Variants in MIER3 observed in about 807,000 individuals in gnomAD.
MIER3 encodes the protein MIER family member 3.
Under a neutral mutation model 63.2 loss-of-function variants are expected in MIER3, and 9 were observed. That is an observed-to-expected ratio of 0.14 (90% CI 0.09 to 0.25). The LOEUF (loss-of-function observed/expected upper bound fraction) is 0.25, where lower values mean the gene tolerates loss of function less well. Ranked by LOEUF, MIER3 falls within the 10% of genes least tolerant of loss-of-function variation. MIER3 has a pLI of 1.00. For synonymous variants in MIER3, 205 were observed against 224.9 expected (o/e 0.91, Z 0.79); for missense variants, 512 against 666.2 (o/e 0.77, Z 2.55).
chr5:56,947,016 G>A lies in MIER3; in HGVS notation c.90C>T (p.Val30=). The part of the protein sequence containing the change: ...HDFDPTAEML[V]HDYDDERTLE... The stretch of plus-strand genomic sequence containing the variant: ...GAGTTCTTTCATCATCATAGTCATG[G>A]ACCAACATCTCAGCAGTGGGGTCAA... Residue 30 remains valine (V), a synonymous_variant, in exon 3 of 13, where the codon GTC becomes GTT. Coordinates refer to ENST00000381199, the MANE Select transcript of MIER3 (RefSeq NM_001297599.2). 1 of 1,610,030 alleles carries A rather than the reference G, an allele frequency of 6.2e-7. No individual in the cohort carries two copies. Among genetic ancestry groups the A allele is most frequent in the Non-Finnish European group, 8.5e-7 (1 of 1,178,682 alleles).
chr5:56,951,555 A>C (rs1751031607), intron 1 of MIER3, among the ~76,000 whole-genome samples: 1 of 151,964 alleles, frequency 6.6e-6, no homozygotes. Flanking sequence ...GTGGCCCCGC[A>C]TCCCGCTCTT....
intron 3 of MIER3, among the ~76,000 whole-genome samples, chr5:56,945,062 T>C (rs1378616903): frequency 1.3e-5 from 2 of 152,162 alleles, no homozygotes; most frequent in East Asian, 3.8e-4. Flanking sequence ...GTAGAAAAAG[T>C]GATATTTTAC....
intron 8 of MIER3, among the ~76,000 whole-genome samples, chr5:56,931,432 C>CTAAT (rs1750262673): frequency 1.3e-5 from 2 of 152,140 alleles, no homozygotes; most frequent in African/African-American, 4.8e-5. Flanking sequence ...CATCTCTGAG[C>CTAAT]TAATTACCCT....
At chr5:56,928,711 A>T in intron 10 of MIER3, 56 bp downstream of exon 10, 1 of 1,213,810 alleles carries the variant, frequency 8.2e-7, no homozygotes, top group Non-Finnish European at 1.2e-6. Context: ...CTTATAAATT[A>T]GTTGCTTACA....
intron 6 of MIER3, 31 bp from the exon 7 acceptor site, chr5:56,935,531 T>G (rs1217872961): frequency 6.4e-7 from 1 of 1,550,776 alleles, no homozygotes; most frequent in African/African-American, 1.4e-5. Flanking sequence ...AAAAATAACT[T>G]ATTAAAAAAA....
At position 56,937,701 on chromosome 5, in the gene MIER3, G is replaced by A. The variant is rs1322848011; in HGVS notation, c.316-3C>T. 2 of 1,603,666 alleles carry A rather than the reference G, an allele frequency of 1.2e-6. No homozygotes were observed. Among genetic ancestry groups the A allele is most frequent in the South Asian group, 1.1e-5 (1 of 89,082 alleles). On this transcript the variant is annotated splice_polypyrimidine_tract_variant and splice_region_variant and intron_variant, in intron 4 of 12. Coordinates refer to ENST00000381199, the MANE Select transcript of MIER3 (RefSeq NM_001297599.2). ...AACAGGTCTTTTGCTATTTCCTCCT[G>A]GAAGAATAAGAAGGCAGTGCTACAG... is the stretch of plus-strand genomic sequence containing the variant.
chr5:56,930,550 C>A, intron 9 of MIER3, 114 bp downstream of exon 9: 2 of 848,544 alleles, frequency 2.4e-6, no homozygotes, highest in South Asian at 1.4e-5. Context: ...GGAGCTGAAC[C>A]AGATCTTACA....
At chr5:56,930,869 G>A (rs1750241254) in intron 8 of MIER3, 124 bp from the exon 9 acceptor site, 2 of 742,798 alleles carry the variant, frequency 2.7e-6, no homozygotes, top group Non-Finnish European at 2.3e-6. Context: ...CTAATTTCAG[G>A]GCATTTGAAG....
intron 1 of MIER3, 68 bp downstream of exon 1, chr5:56,952,026 C>A: frequency 1.6e-6 from 2 of 1,229,310 alleles, no homozygotes; most frequent in East Asian, 4.0e-5. Flanking sequence ...CAGGCTGGCT[C>A]GGGGGTCGCG....
chr5:56,923,379 T>G lies in MIER3; in HGVS notation c.1402A>C (p.Met468Leu), dbSNP rs761210538. ...TCTGACTCTTCACTGCACATGTTCA[T>G]AGGGTTTAGCTCCGAGTGATAAAAT... is the stretch of plus-strand genomic sequence containing the variant. ...TGFYHSELNP[M>L]NMCSEESERP... Residue 468 changes from methionine (M) to leucine (L), a missense_variant, in exon 13 of 13, where the codon ATG (methionine) becomes CTG (leucine). This residue lies in a region of MIER3 where 218 missense variants were observed against 251.2 expected (regional missense o/e 0.87). Coordinates refer to ENST00000381199, the MANE Select transcript of MIER3 (RefSeq NM_001297599.2). 4.3e-6 allele frequency: 7 copies of G among 1,614,184 alleles called. No homozygotes were observed. The highest frequency in any genetic ancestry group is 5.9e-6 in the Non-Finnish European group (7 of 1,180,026).
intron 10 of MIER3, chr5:56,925,558 C>A: frequency 4.7e-6 from 1 of 214,816 alleles, no homozygotes; most frequent in Non-Finnish European, 9.5e-6. Context: ...AAAATATATG[C>A]AAAATCTGTA....
At chr5:56,944,237 C>T (rs1212808440) in intron 3 of MIER3, among the ~76,000 whole-genome samples, 7 of 151,878 alleles carry the variant, frequency 4.6e-5, no homozygotes, top group Non-Finnish European at 8.8e-5. Context: ...TTTGGGAGGC[C>T]GAGGAGGGCA....
At chr5:56,938,659 T>C (rs1750536547) in intron 4 of MIER3, among the ~76,000 whole-genome samples, 1 of 152,140 alleles carries the variant, frequency 6.6e-6, no homozygotes, top group South Asian at 2.1e-4. Flanking sequence ...ATGAAAACAT[T>C]ATGGGAGAAT....
Position 56,923,133 on chromosome 5 carries a change from C to CA in MIER3, c.1647dup (p.Glu550Ter), listed in dbSNP as rs1749753511. On this transcript the variant is annotated frameshift_variant, in exon 13 of 13. Transcript: ENST00000381199. LOFTEE classifies it high-confidence loss of function. ...TTCCGGGATCCTCACTCAGGTCACT[C>CA]AGAGTGTAGGGCCGCGTGCTGATGC... 5 of 1,612,342 alleles carry CA rather than the reference C, an allele frequency of 3.1e-6. No homozygotes were observed. Among genetic ancestry groups the CA allele is most frequent in the Non-Finnish European group, 4.2e-6 (5 of 1,178,546 alleles).
intron 6 of MIER3, 34 bp from the exon 7 acceptor site, chr5:56,935,534 T>TAA: frequency 1.4e-6 from 2 of 1,423,062 alleles, no homozygotes; most frequent in Non-Finnish European, 1.9e-6. Flanking sequence ...AATAACTTAT[T>TAA]AAAAAAAAAA....
Position 56,923,230 on chromosome 5 carries a change from C to T in MIER3, c.1551G>A (p.Met517Ile). The T allele has an allele frequency of 6.2e-7, 1 of 1,614,126 alleles. No individual in the cohort carries two copies. The highest frequency in any genetic ancestry group is 8.5e-7 in the Non-Finnish European group (1 of 1,180,006). Residue 517 changes from methionine (M) to isoleucine (I), a missense_variant, in exon 13 of 13, where the codon ATG becomes ATA. Met to Ile is a conservative substitution (Grantham distance 10). This residue lies in a region of MIER3 where 218 missense variants were observed against 251.2 expected (regional missense o/e 0.87). Transcript: ENST00000381199. ...TGCCAAAGTCAGCCACAGAAACAGC[C>T]ATTTTGGCACTGGTGATGTGATGTG... Reference protein sequence around the residue: ...NHTHHITSAKMAVSVADFGSL... With the variant: ...NHTHHITSAKIAVSVADFGSL...
chr5:56,938,692 G>A (rs1056180268), intron 4 of MIER3, 191 bp downstream of exon 4: 17 of 606,894 alleles, frequency 2.8e-5, no homozygotes, highest in Non-Finnish European at 4.8e-5. Context: ...AAAGTACCAT[G>A]AAGCTGCTAT....
At chr5:56,935,872 C>A in intron 5 of MIER3, 121 bp from the exon 6 acceptor site, 2 of 693,856 alleles carry the variant, frequency 2.9e-6, no homozygotes, top group Admixed American at 2.6e-5. Context: ...TACTAAACCA[C>A]CTGCATGTTT....
At chr5:56,925,458 A>C in intron 10 of MIER3, 1 of 339,334 alleles carries the variant, frequency 2.9e-6, no homozygotes, top group Non-Finnish European at 5.8e-6. Context: ...TTTCCTATAT[A>C]ACAGCAATGA....
Sources: allele counts gnomAD v4.1 joint callset (sites outside exome capture counted in the v4.1 genomes callset), GRCh38; gene constraint gnomAD v4.1.1; regional missense constraint gnomAD v4.1.1; transcripts MANE v1.5; gene names NCBI Gene and HGNC (gene_info 2026-07-23, HGNC 2026-07-21).